Variants in CLSTN2 observed in about 807,000 individuals in gnomAD.
CLSTN2 encodes calsyntenin 2, also known as calsyntenin-2.
A neutral mutation model predicts 101.2 loss-of-function variants in CLSTN2; 48 were observed. The ratio of observed to expected loss-of-function variants is 0.47; its 90% confidence interval spans 0.38 to 0.60. The LOEUF is 0.60. Ranked by LOEUF, CLSTN2 falls within the 20% of genes least tolerant of loss-of-function variation. CLSTN2 has a pLI of 0.00. For missense variants in CLSTN2, 1,160 were observed against 1,238.2 expected (o/e 0.94, Z 0.95); for synonymous variants, 481 against 463.6 (o/e 1.04, Z -0.48).
chr3:140,407,674 G>A (rs1010270360), intron 4 of CLSTN2, among the ~76,000 whole-genome samples: 3 of 152,200 alleles, frequency 2.0e-5, no homozygotes, highest in Admixed American at 1.3e-4. Context: ...AGATAACTAT[G>A]AGTTCATCAC....
intron 2 of CLSTN2, among the ~76,000 whole-genome samples, chr3:140,269,502 C>T (rs1350118652): frequency 6.6e-6 from 1 of 152,166 alleles, no homozygotes; most frequent in East Asian, 1.9e-4. Flanking sequence ...GAAGATTAGA[C>T]TTGGTATTAA....
chr3:140,216,868 G>A (rs2010927023), intron 2 of CLSTN2, among the ~76,000 whole-genome samples: 1 of 152,196 alleles, frequency 6.6e-6, no homozygotes, highest in Admixed American at 6.5e-5. Flanking sequence ...AGGTCCCACA[G>A]ATAATCTGAC....
intron 2 of CLSTN2, among the ~76,000 whole-genome samples, chr3:140,179,516 C>T (rs1433007862): frequency 1.4e-5 from 2 of 146,370 alleles, no homozygotes; most frequent in Non-Finnish European, 3.0e-5. Flanking sequence ...ACCTATAGTT[C>T]CAGCTACTCA....
chr3:140,294,453 C>T (rs935044273), intron 2 of CLSTN2, among the ~76,000 whole-genome samples: 1 of 152,180 alleles, frequency 6.6e-6, no homozygotes, highest in Non-Finnish European at 1.5e-5. Context: ...AAGAACATCA[C>T]TGATCACCAT....
At chr3:140,162,976 AT>A (rs1321009338) in intron 1 of CLSTN2, among the ~76,000 whole-genome samples, 3 of 152,182 alleles carry the variant, frequency 2.0e-5, no homozygotes, top group Non-Finnish European at 4.4e-5. Flanking sequence ...AAAGTATAGC[AT>A]TTCTTTCTAA....
At chr3:140,263,051 C>CA (rs1421966327) in intron 2 of CLSTN2, among the ~76,000 whole-genome samples, 5 of 151,230 alleles carry the variant, frequency 3.3e-5, no homozygotes, top group East Asian at 1.9e-4. Flanking sequence ...ACATCCCCCC[C>CA]AAAAAAACCC....
chr3:140,192,961 T>A (rs920147478), intron 2 of CLSTN2, among the ~76,000 whole-genome samples: 32 of 151,938 alleles, frequency 2.1e-4, no homozygotes, highest in African/African-American at 7.2e-4. Context: ...TGGCTTTTTT[T>A]AGTGGTTGAT....
chr3:139,945,398 C>T (rs980624031), intron 1 of CLSTN2, among the ~76,000 whole-genome samples: 6 of 152,210 alleles, frequency 3.9e-5, no homozygotes, highest in African/African-American at 1.4e-4. Context: ...GGATAAAGCG[C>T]TTACAAAAAC....
chr3:140,455,010 C>T (rs1291893611), intron 6 of CLSTN2, among the ~76,000 whole-genome samples: 1 of 152,222 alleles, frequency 6.6e-6, no homozygotes, highest in African/African-American at 2.4e-5. Context: ...CTCCTCCACC[C>T]ACCAAGCTTC....
chr3:140,182,980 A>G (rs2010431837), intron 2 of CLSTN2, among the ~76,000 whole-genome samples: 1 of 152,170 alleles, frequency 6.6e-6, no homozygotes, highest in Admixed American at 6.5e-5. Flanking sequence ...GAGCCAGAGT[A>G]CAGAGGAAGG....
In CLSTN2 at chr3:140,568,444, CA is replaced by C. The variant is rs2107797416; in HGVS notation, c.*2192del. On this transcript the variant is annotated 3_prime_UTR_variant, in exon 17 of 17. Coordinates refer to ENST00000458420, the MANE Select transcript of CLSTN2 (RefSeq NM_022131.3). ...GGGTTTTATATTCATTGGATGGAAA[CA>C]GATATTTCTCCTGGGAATTCTCCCA... 1 of 152,228 alleles carries C rather than the reference CA, an allele frequency of 6.6e-6. No individual in the cohort carries two copies. Among genetic ancestry groups the C allele is most frequent in the Admixed American group, 6.5e-5 (1 of 15,296 alleles). The allele number at this position is 152,228 out of a possible 1,614,324, so 9.4% of individuals were successfully genotyped here.
intron 2 of CLSTN2, among the ~76,000 whole-genome samples, chr3:140,264,138 T>C (rs1231896740): frequency 6.6e-6 from 1 of 152,040 alleles, no homozygotes; most frequent in Non-Finnish European, 1.5e-5. Flanking sequence ...TCTCTCATAC[T>C]GTAAATAAAT....
In CLSTN2 at chr3:140,564,158, C is replaced by T. The variant is rs1251201837; in HGVS notation, c.2667+13C>T. 3.7e-6 allele frequency: 6 copies of T among 1,611,842 alleles called. No homozygotes were observed. Among genetic ancestry groups the T allele is most frequent in the Non-Finnish European group, 5.1e-6 (6 of 1,178,518 alleles). On this transcript the variant is annotated intron_variant, in intron 16 of 16. Coordinates refer to ENST00000458420, the MANE Select transcript of CLSTN2 (RefSeq NM_022131.3). ...CAACCCCATGGAGGTGATCCTCATG[C>T]ACGGCTGGGAGTTCTGGGTGGGGTG...
intron 1 of CLSTN2, among the ~76,000 whole-genome samples, chr3:140,138,403 G>A (rs1300915308): frequency 6.6e-6 from 1 of 152,122 alleles, no homozygotes; most frequent in Non-Finnish European, 1.5e-5. Flanking sequence ...GCTCCATCCA[G>A]CCACCAGGCC....
intron 2 of CLSTN2, among the ~76,000 whole-genome samples, chr3:140,361,991 A>G (rs567133447): frequency 6.6e-6 from 1 of 152,256 alleles, no homozygotes; most frequent in South Asian, 2.1e-4. Context: ...TGGAAATGCA[A>G]AGGATCCAGA....
chr3:140,185,743 TA>T (rs747410103), intron 2 of CLSTN2, among the ~76,000 whole-genome samples: 1 of 152,116 alleles, frequency 6.6e-6, no homozygotes, highest in Non-Finnish European at 1.5e-5. Flanking sequence ...GAAGCTTCCA[TA>T]ACATGCTCAA....
intron 8 of CLSTN2, among the ~76,000 whole-genome samples, chr3:140,480,710 T>C (rs1934095854): frequency 6.6e-6 from 1 of 152,234 alleles, no homozygotes; most frequent in Non-Finnish European, 1.5e-5. Flanking sequence ...TGATGAGCAT[T>C]TTTTCATCTG....
rs1272154818 is a variant in CLSTN2, at chr3:140,099,782, T to C, written c.110-76169T>C. Among the ~76,000 whole-genome samples the C allele has an allele frequency of 3.3e-5, 5 of 152,194 alleles. No individual in the cohort carries two copies. In the South Asian group the frequency reaches 1.0e-3, roughly 32 times the overall value. The stretch of plus-strand genomic sequence containing the variant: ...GAGCTGGTACAGCAGATAAAATCTA[T>C]TTGCCAACCCTGAAGAAAATGGCAG... On this transcript the variant is annotated intron_variant, in intron 1 of 16. Transcript: ENST00000458420.
intron 1 of CLSTN2, among the ~76,000 whole-genome samples, chr3:140,122,498 G>T (rs2009359580): frequency 6.6e-6 from 1 of 152,208 alleles, no homozygotes; most frequent in Admixed American, 6.5e-5. Context: ...AATAAAGAAT[G>T]CCTTTACTCC....
Sources: allele counts gnomAD v4.1 joint callset (sites outside exome capture counted in the v4.1 genomes callset), GRCh38; gene constraint gnomAD v4.1.1; transcripts MANE v1.5; gene names NCBI Gene and HGNC (gene_info 2026-07-23, HGNC 2026-07-21).